The following NRG1 variants were observed in gnomAD, a reference collection of about 807,000 sequenced individuals.
NRG1 encodes the protein pro-neuregulin-1, membrane-bound isoform.
NRG1 carries 18 observed loss-of-function variants against 63.8 expected under a neutral mutation model. The observed-to-expected ratio is 0.28, with a 90% CI of 0.19 to 0.42. NRG1 has a LOEUF of 0.42. Among genes scored for constraint, NRG1 ranks in the 10% least tolerant of loss-of-function variants. The probability of loss-of-function intolerance (pLI) is 1.00; values close to 1 mark genes in which losing one functional copy is unlikely to be tolerated. For missense variants in NRG1, 762 were observed against 814.7 expected (o/e 0.94, Z 0.79); for synonymous variants, 302 against 301.3 (o/e 1.00, Z -0.02).
chr8:31,652,988 T>C (rs62506870), intron 1 of NRG1, among the ~76,000 whole-genome samples: 35 of 24,778 alleles, frequency 1.4e-3, no homozygotes, highest in South Asian at 3.5e-3. Flanking sequence ...TCCTCTCCTC[T>C]CCTCTCCTCT....
chr8:32,073,002 G>A (rs548054799), intron 1 of NRG1, among the ~76,000 whole-genome samples: 217 of 24,400 alleles, frequency 8.9e-3, no homozygotes, highest in African/African-American at 0.018. Flanking sequence ...CTGGCATCAG[G>A]TCTGGGAAAA....
chr8:31,872,024 T>C (rs1455565618), intron 1 of NRG1, among the ~76,000 whole-genome samples: 2 of 152,210 alleles, frequency 1.3e-5, no homozygotes, highest in African/African-American at 4.8e-5. Context: ...GATGCCTTGA[T>C]AGATGCCCTT....
intron 1 of NRG1, among the ~76,000 whole-genome samples, chr8:31,720,310 T>C (rs575327138): frequency 3.9e-5 from 6 of 152,246 alleles, no homozygotes; most frequent in South Asian, 4.1e-4. Flanking sequence ...TTAATTGACA[T>C]TTTGCAAGCC....
chr8:32,129,250 G>C (rs149580189), intron 1 of NRG1, among the ~76,000 whole-genome samples: 2 of 151,926 alleles, frequency 1.3e-5, no homozygotes, highest in African/African-American at 4.8e-5. Context: ...TAACGCTAGC[G>C]TGGTGCCTTA....
At chr8:32,172,527 A>T (rs1840187351) in intron 1 of NRG1, among the ~76,000 whole-genome samples, 1 of 152,230 alleles carries the variant, frequency 6.6e-6, no homozygotes, top group Non-Finnish European at 1.5e-5. Context: ...AAGGCTTCAG[A>T]CAATCAAACT....
chr8:32,377,726 G>A (rs1264379894), intron 1 of NRG1, among the ~76,000 whole-genome samples: 1 of 152,144 alleles, frequency 6.6e-6, no homozygotes, highest in Non-Finnish European at 1.5e-5. Context: ...ATTTCACCCA[G>A]TATCTGAACC....
chr8:32,414,091 G>C (rs529725370), intron 1 of NRG1, among the ~76,000 whole-genome samples: 1 of 152,128 alleles, frequency 6.6e-6, no homozygotes, highest in African/African-American at 2.4e-5. Flanking sequence ...GTGAGGTAAG[G>C]CATGTTCTAA....
At chr8:32,082,110 G>C (rs1039544825) in intron 1 of NRG1, among the ~76,000 whole-genome samples, 2 of 151,966 alleles carry the variant, frequency 1.3e-5, no homozygotes, top group Non-Finnish European at 2.9e-5. Flanking sequence ...AATTGAGTTT[G>C]AGCTTGTTGA....
chr8:31,934,526 A>G (rs2129620284), intron 1 of NRG1, among the ~76,000 whole-genome samples: 1 of 149,420 alleles, frequency 6.7e-6, no homozygotes, highest in East Asian at 2.0e-4. Flanking sequence ...CCCGGGTTCA[A>G]GCGATTCCCC....
At chr8:32,748,487 A>AT (rs954943853) in intron 7 of NRG1, among the ~76,000 whole-genome samples, 2 of 151,116 alleles carry the variant, frequency 1.3e-5, no homozygotes, top group Admixed American at 6.6e-5. Flanking sequence ...GAGATTTTTT[A>AT]TTTTTTTTAT....
chr8:32,759,967 G>C (rs990973459), intron 10 of NRG1, among the ~76,000 whole-genome samples: 2 of 152,102 alleles, frequency 1.3e-5, no homozygotes, highest in Non-Finnish European at 2.9e-5. Flanking sequence ...AATATTTATT[G>C]AATGAGTGGA....
intron 3 of NRG1, 103 bp downstream of exon 3, chr8:32,605,786 C>G: frequency 7.6e-7 from 1 of 1,317,382 alleles, no homozygotes. Context: ...TCATTGTGAA[C>G]AAATTAAAAA....
intron 1 of NRG1, among the ~76,000 whole-genome samples, chr8:32,214,177 C>A (rs1359978100): frequency 2.6e-5 from 4 of 152,100 alleles, no homozygotes; most frequent in African/African-American, 7.2e-5. Context: ...CAAACAGGGG[C>A]AGGGCAGAGA....
chr8:32,068,379 A>T (rs1245911369), intron 1 of NRG1, among the ~76,000 whole-genome samples: 2 of 152,196 alleles, frequency 1.3e-5, no homozygotes, highest in Non-Finnish European at 2.9e-5. Flanking sequence ...TAACCTGGGA[A>T]ATAAAATCAG....
chr8:32,756,790 C>T (rs1376196596), intron 9 of NRG1, among the ~76,000 whole-genome samples: 6 of 152,030 alleles, frequency 3.9e-5, no homozygotes, highest in Non-Finnish European at 8.8e-5. Flanking sequence ...TGCAAGGAGG[C>T]CATAGCTGGG....
At chr8:32,731,169 G>A (rs371098487) in intron 6 of NRG1, among the ~76,000 whole-genome samples, 22 of 152,010 alleles carry the variant, frequency 1.4e-4, no homozygotes, top group Non-Finnish European at 2.4e-4. Flanking sequence ...ACATGCAATC[G>A]CGTAAGTGCT....
At chr8:31,768,668 A>T (rs765558654) in intron 1 of NRG1, among the ~76,000 whole-genome samples, 1 of 152,206 alleles carries the variant, frequency 6.6e-6, no homozygotes, top group Non-Finnish European at 1.5e-5. Flanking sequence ...ATTCCTTTAG[A>T]CTCAGCCTTA....
chr8:32,351,711 T>A (rs1259786005), intron 1 of NRG1, among the ~76,000 whole-genome samples: 1 of 152,130 alleles, frequency 6.6e-6, no homozygotes, highest in Admixed American at 6.6e-5. Context: ...CTTTTTAAAT[T>A]TCCTCATGCT....
chr8:32,339,180 T>C (rs1189865461), intron 1 of NRG1, among the ~76,000 whole-genome samples: 2 of 152,106 alleles, frequency 1.3e-5, no homozygotes, highest in African/African-American at 4.8e-5. Flanking sequence ...GTGGTCTACT[T>C]GCATTTGTCA....
Sources: allele counts gnomAD v4.1 joint callset (sites outside exome capture counted in the v4.1 genomes callset), GRCh38; gene constraint gnomAD v4.1.1; transcripts MANE v1.5; gene names NCBI Gene and HGNC (gene_info 2026-07-23, HGNC 2026-07-21).